Variants in PTPRK observed in about 807,000 individuals in gnomAD.
PTPRK encodes receptor-type tyrosine-protein phosphatase kappa.
Under a neutral mutation model 178.0 loss-of-function variants are expected in PTPRK, and 75 were observed. The observed-to-expected ratio is 0.42, with a 90% CI of 0.35 to 0.51. The LOEUF is 0.51. PTPRK is among the 20% of genes least tolerant of loss of function. The pLI is 0.02. For synonymous variants in PTPRK, 637 were observed against 620.6 expected, an observed-to-expected ratio of 1.03 and a Z score of -0.39; for missense variants, 1,441 against 1,797.8, an observed-to-expected ratio of 0.80 and a Z score of 3.59.
intron 2 of PTPRK, among the ~76,000 whole-genome samples, chr6:128,339,827 C>T (rs1831430657): frequency 6.6e-6 from 1 of 152,166 alleles, no homozygotes; most frequent in East Asian, 1.9e-4. Context: ...TAGAAAAGGT[C>T]CCACAAGGGA....
chr6:128,362,772 G>A (rs1378997340), intron 2 of PTPRK, among the ~76,000 whole-genome samples: 1 of 152,086 alleles, frequency 6.6e-6, no homozygotes, highest in African/African-American at 2.4e-5. Context: ...GTGAATGGAG[G>A]CATAGATCAC....
At chr6:128,356,507 A>T (rs1446222467) in intron 2 of PTPRK, among the ~76,000 whole-genome samples, 1 of 152,120 alleles carries the variant, frequency 6.6e-6, no homozygotes, top group Non-Finnish European at 1.5e-5. Context: ...ACTATTGGCA[A>T]TTCTTCTGCC....
At chr6:128,059,522 G>A (rs1206674453) in intron 13 of PTPRK, among the ~76,000 whole-genome samples, 1 of 151,922 alleles carries the variant, frequency 6.6e-6, no homozygotes, top group African/African-American at 2.4e-5. Flanking sequence ...GTTCCCTTAG[G>A]TTGTACCAAT....
chr6:128,321,582 C>G, intron 3 of PTPRK: 1 of 529,928 alleles, frequency 1.9e-6, no homozygotes, highest in Non-Finnish European at 3.3e-6. Flanking sequence ...TAACATAGTT[C>G]ATGAAACTCT....
intron 7 of PTPRK, among the ~76,000 whole-genome samples, chr6:128,114,275 T>C (rs1441779126): frequency 6.6e-6 from 1 of 152,010 alleles, no homozygotes; most frequent in Non-Finnish European, 1.5e-5. Flanking sequence ...ATGTATTACA[T>C]GACGGCAGGA....
At chr6:128,088,325 C>T (rs940440044) in intron 8 of PTPRK, among the ~76,000 whole-genome samples, 2 of 151,492 alleles carry the variant, frequency 1.3e-5, no homozygotes, top group Non-Finnish European at 2.9e-5. Context: ...CTGCAGTGAG[C>T]CGAGTCGAGC....
At chr6:128,398,031 C>G (rs1312931931) in intron 1 of PTPRK, among the ~76,000 whole-genome samples, 1 of 152,030 alleles carries the variant, frequency 6.6e-6, no homozygotes, top group Admixed American at 6.6e-5. Flanking sequence ...AGGTTCTTGG[C>G]GTCTTGAACA....
At chr6:128,199,848 C>T (rs1032356194) in intron 6 of PTPRK, among the ~76,000 whole-genome samples, 1 of 152,196 alleles carries the variant, frequency 6.6e-6, no homozygotes, top group African/African-American at 2.4e-5. Flanking sequence ...GATCTTTTGA[C>T]TTCTAAAGCA....
At chr6:128,025,848 T>A (rs1034749841) in intron 13 of PTPRK, among the ~76,000 whole-genome samples, 5 of 152,320 alleles carry the variant, frequency 3.3e-5, no homozygotes, top group Admixed American at 6.5e-5. Flanking sequence ...TAAGAATACA[T>A]GTAACTGGAT....
chr6:128,008,211 A>G, intron 14 of PTPRK: 2 of 411,786 alleles, frequency 4.9e-6, no homozygotes, highest in Non-Finnish European at 8.1e-6. Context: ...TAACTATAAT[A>G]GTAAACTAGA....
intron 1 of PTPRK, among the ~76,000 whole-genome samples, chr6:128,509,930 G>C (rs1239244168): frequency 1.3e-5 from 2 of 152,110 alleles, no homozygotes; most frequent in East Asian, 3.9e-4. Flanking sequence ...GGCATAATGA[G>C]TCAACACCAG....
intron 7 of PTPRK, among the ~76,000 whole-genome samples, chr6:128,163,978 A>G (rs1799033813): frequency 6.6e-6 from 1 of 151,426 alleles, no homozygotes; most frequent in African/African-American, 2.4e-5. Context: ...CCTAAATACA[A>G]TTCATGGACA....
intron 7 of PTPRK, among the ~76,000 whole-genome samples, chr6:128,094,374 G>A (rs567980192): frequency 6.6e-6 from 1 of 152,270 alleles, no homozygotes; most frequent in Admixed American, 6.5e-5. Flanking sequence ...AAGTAAGGAG[G>A]GGGACAGCAG....
At chr6:128,118,842 C>T (rs905053345) in intron 7 of PTPRK, among the ~76,000 whole-genome samples, 2 of 152,172 alleles carry the variant, frequency 1.3e-5, no homozygotes, top group African/African-American at 4.8e-5. Flanking sequence ...TGGTCATTCA[C>T]TTTCCTTAGG....
At chr6:128,299,565 C>A (rs893592774) in intron 3 of PTPRK, among the ~76,000 whole-genome samples, 1 of 151,300 alleles carries the variant, frequency 6.6e-6, no homozygotes, top group South Asian at 2.1e-4. Context: ...AGAAATAATG[C>A]CGCATATCTA....
chr6:128,275,721 T>C (rs1465928543), intron 3 of PTPRK, among the ~76,000 whole-genome samples: 1 of 152,048 alleles, frequency 6.6e-6, no homozygotes, highest in African/African-American at 2.4e-5. Context: ...CTTGTTTGAA[T>C]GTTCTAAAAT....
chr6:128,442,879 G>T (rs1244887462), intron 1 of PTPRK, among the ~76,000 whole-genome samples: 1 of 152,114 alleles, frequency 6.6e-6, no homozygotes, highest in Non-Finnish European at 1.5e-5. Context: ...ATCAGTTAAA[G>T]AATAATCAGG....
intron 2 of PTPRK, among the ~76,000 whole-genome samples, chr6:128,360,962 T>C (rs564819678): frequency 7.2e-5 from 11 of 152,288 alleles, no homozygotes; most frequent in African/African-American, 2.2e-4. Flanking sequence ...GAAAATGGGA[T>C]ATAGGTCTCC....
In PTPRK at chr6:127,977,069, G is replaced by A; in HGVS notation, c.3712-15C>T. Reference sequence around the variant, plus strand: ...TGCCTGTAGCTCTGTGAAGAAACAAGGTAGATGGAGAAATATAAAAACTTA... The same window carrying A: ...TGCCTGTAGCTCTGTGAAGAAACAAAGTAGATGGAGAAATATAAAAACTTA... On this transcript the variant is annotated splice_polypyrimidine_tract_variant and intron_variant, in intron 25 of 29. Coordinates refer to ENST00000368226, the MANE Select transcript of PTPRK (RefSeq NM_002844.4). 1 of 1,612,224 alleles carries A rather than the reference G, an allele frequency of 6.2e-7. No homozygotes were observed. Among genetic ancestry groups the A allele is most frequent in the African/African-American group, 1.3e-5 (1 of 74,982 alleles).
Sources: gnomAD v4.1 joint callset for allele counts (sites outside exome capture counted in the v4.1 genomes callset) on GRCh38, gnomAD v4.1.1 for gene constraint, MANE v1.5 for transcripts, NCBI Gene and HGNC (gene_info 2026-07-23, HGNC 2026-07-21) for gene names.